The following GRIN2B variants were observed in gnomAD, a reference collection of about 807,000 sequenced individuals.
GRIN2B encodes the protein glutamate receptor ionotropic, NMDA 2B.
A neutral mutation model predicts 114.5 loss-of-function variants in GRIN2B; 5 were observed. The observed-to-expected ratio is 0.04, with a 90% CI of 0.02 to 0.09. The LOEUF is 0.09. Ranked by LOEUF, GRIN2B falls within the 10% of genes least tolerant of loss-of-function variation. GRIN2B has a pLI of 1.00. For missense variants in GRIN2B, 1,108 were observed against 1,943.5 expected (o/e 0.57, Z 8.08); for synonymous variants, 787 against 745.1 (o/e 1.06, Z -0.92).
At chr12:13,905,519 G>T (rs1302793983) in intron 2 of GRIN2B, among the ~76,000 whole-genome samples, 4 of 152,146 alleles carry the variant, frequency 2.6e-5, no homozygotes, top group Non-Finnish European at 5.9e-5. Flanking sequence ...TAATTCCAAA[G>T]TCTGGAGAAT....
intron 3 of GRIN2B, among the ~76,000 whole-genome samples, chr12:13,768,860 C>T (rs1232234967): frequency 1.3e-5 from 2 of 152,070 alleles, no homozygotes; most frequent in African/African-American, 4.8e-5. Flanking sequence ...CGGTGAAACA[C>T]CGTCTCTACT....
intron 2 of GRIN2B, among the ~76,000 whole-genome samples, chr12:13,905,317 A>G (rs1866519191): frequency 6.6e-6 from 1 of 152,132 alleles, no homozygotes; most frequent in South Asian, 2.1e-4. Context: ...CTCTATACAA[A>G]TCAGCTGCTA....
chr12:13,675,879 G>A lies in GRIN2B; in HGVS notation c.1011-20C>T, dbSNP rs768189702. On this transcript the variant is annotated intron_variant, in intron 4 of 13. Coordinates refer to ENST00000609686, the MANE Select transcript of GRIN2B (RefSeq NM_000834.5). ...AGATACCTGTAAAGATAAAATAAAAGGAAGATTAAAAGTATGAAGAGGGTA... is the reference window on the plus strand; with the variant it reads ...AGATACCTGTAAAGATAAAATAAAAAGAAGATTAAAAGTATGAAGAGGGTA... The A allele has an allele frequency of 7.3e-7, 1 of 1,368,808 alleles. No individual in the cohort carries two copies. The highest frequency in any genetic ancestry group is 1.0e-6 in the Non-Finnish European group (1 of 956,578). The allele number at this position is 1,368,808 out of a possible 1,614,324, so 84.8% of individuals were successfully genotyped here.
intron 10 of GRIN2B, among the ~76,000 whole-genome samples, chr12:13,596,428 C>T (rs976379173): frequency 1.3e-5 from 2 of 152,198 alleles, no homozygotes; most frequent in African/African-American, 4.8e-5. Context: ...GTCTTCTTGT[C>T]ACAAGTACTT....
intron 5 of GRIN2B, among the ~76,000 whole-genome samples, chr12:13,639,614 C>T (rs1277245942): frequency 6.6e-6 from 1 of 152,128 alleles, no homozygotes; most frequent in Admixed American, 6.5e-5. Context: ...GGACCCAGTA[C>T]TCAAGGAAGA....
At position 13,563,151 on chromosome 12, in the gene GRIN2B, G is replaced by A; in HGVS notation, c.4087C>T (p.His1363Tyr). 1 of 1,614,194 alleles carries A rather than the reference G, an allele frequency of 6.2e-7. No homozygotes were observed. The highest frequency in any genetic ancestry group is 8.5e-7 in the Non-Finnish European group (1 of 1,180,048). Residue 1363 changes from histidine (H) to tyrosine (Y), a missense_variant, in exon 14 of 14, where the codon CAC (histidine) becomes TAC (tyrosine). By Grantham distance (83) the His-to-Tyr change is moderately conservative (BLOSUM62 2). Transcript: ENST00000609686. The stretch of plus-strand genomic sequence containing the variant: ...TACCCGCCGCCGGGGTTGTTGTGGT[G>A]GTGATGTCCGGCAGTGGGCACTGAG... The part of the protein sequence containing the change: ...KSSVPTAGHH[H>Y]HNNPGGGYML...
At chr12:13,808,818 G>A (rs1224611460) in intron 3 of GRIN2B, among the ~76,000 whole-genome samples, 2 of 151,002 alleles carry the variant, frequency 1.3e-5, no homozygotes, top group African/African-American at 2.4e-5. Context: ...GCCCTATAGA[G>A]TTCAGCGCTC....
intron 3 of GRIN2B, among the ~76,000 whole-genome samples, chr12:13,785,756 C>T (rs959362790): frequency 1.5e-4 from 23 of 152,118 alleles, no homozygotes; most frequent in African/African-American, 4.8e-4. Flanking sequence ...TGTGATGTAA[C>T]AAATATAGCA....
intron 3 of GRIN2B, among the ~76,000 whole-genome samples, chr12:13,844,611 A>T (rs1865439025): frequency 6.6e-6 from 1 of 152,184 alleles, no homozygotes; most frequent in African/African-American, 2.4e-5. Flanking sequence ...CTTCTCTTGC[A>T]GCCATTAACT....
In GRIN2B at chr12:13,561,050, G is replaced by C. The variant is rs186973533; in HGVS notation, c.*1733C>G. ...TGTAGGGGAGGATGGCAGGACAGTG[G>C]AACTGACCCATAGAATAAATAGCCC... On this transcript the variant is annotated 3_prime_UTR_variant, in exon 14 of 14. Coordinates refer to ENST00000609686, the MANE Select transcript of GRIN2B (RefSeq NM_000834.5). The C allele has an allele frequency of 1.3e-5, 2 of 152,174 alleles. No homozygotes were observed. Among genetic ancestry groups the C allele is most frequent in the Admixed American group, 1.3e-4 (2 of 15,292 alleles). The allele number at this position is 152,174 out of a possible 1,614,324, so 9.4% of individuals were successfully genotyped here. A position where few individuals can be genotyped will look rare whatever the true frequency, so the allele number is the denominator to read the frequency against.
chr12:13,562,828 A>C lies in GRIN2B; in HGVS notation c.4410T>G (p.Asn1470Lys). The change falls in exon 14 of 14, where the codon AAT (asparagine) becomes AAG (lysine). Residue 1470 changes from asparagine to lysine, a missense_variant. Asn to Lys is a moderately conservative substitution (Grantham distance 94, BLOSUM62 0). Coordinates refer to ENST00000609686, the MANE Select transcript of GRIN2B (RefSeq NM_000834.5). Reference protein sequence around the residue: ...KNPRAFNGSSNGHVYEKLSSI... With the variant: ...KNPRAFNGSSKGHVYEKLSSI... ...TAGAAAGTTTCTCATAAACATGCCC[A>C]TTGCTGGAGCCATTGAAAGCCCTGG... 6.2e-7 allele frequency: 1 copy of C among 1,614,108 alleles called. No individual in the cohort carries two copies. The highest frequency in any genetic ancestry group is 1.1e-5 in the South Asian group (1 of 91,068).
At chr12:13,592,182 G>A (rs1452308851) in intron 10 of GRIN2B, among the ~76,000 whole-genome samples, 1 of 152,174 alleles carries the variant, frequency 6.6e-6, no homozygotes, top group Non-Finnish European at 1.5e-5. Context: ...GGTGTCTGGG[G>A]TGTGGAGTCT....
chr12:13,588,914 C>A (rs1948968588), intron 10 of GRIN2B, among the ~76,000 whole-genome samples: 1 of 152,146 alleles, frequency 6.6e-6, no homozygotes, highest in African/African-American at 2.4e-5. Flanking sequence ...TTGAAAGGAG[C>A]AAAAGAGGAA....
intron 3 of GRIN2B, among the ~76,000 whole-genome samples, chr12:13,852,260 C>A (rs2136729139): frequency 6.6e-6 from 1 of 152,254 alleles, no homozygotes; most frequent in Non-Finnish European, 1.5e-5. Context: ...CTCAGTGCCA[C>A]CACCCCACTT....
At chr12:13,874,327 A>G (rs1359736290) in intron 2 of GRIN2B, among the ~76,000 whole-genome samples, 1 of 152,226 alleles carries the variant, frequency 6.6e-6, no homozygotes, top group Non-Finnish European at 1.5e-5. Context: ...TATCACTTCT[A>G]CTGTCACCCA....
At chr12:13,619,313 G>T (rs1256352161) in intron 5 of GRIN2B, among the ~76,000 whole-genome samples, 2 of 152,148 alleles carry the variant, frequency 1.3e-5, no homozygotes, top group Non-Finnish European at 2.9e-5. Context: ...ATTTCAATCA[G>T]CAGTCTACAA....
intron 4 of GRIN2B, among the ~76,000 whole-genome samples, chr12:13,707,755 G>A (rs916100725): frequency 4.7e-5 from 7 of 150,402 alleles, no homozygotes; most frequent in Admixed American, 4.0e-4. Context: ...CAGTAAAATT[G>A]AAAAAAAAAT....
chr12:13,850,898 T>C (rs2136727445), intron 3 of GRIN2B, among the ~76,000 whole-genome samples: 1 of 152,258 alleles, frequency 6.6e-6, no homozygotes, highest in Middle Eastern at 3.4e-3. Context: ...ATTCTCTTTC[T>C]TCATCTGTAA....
At chr12:13,928,905 G>T (rs1452319942) in intron 2 of GRIN2B, among the ~76,000 whole-genome samples, 2 of 152,182 alleles carry the variant, frequency 1.3e-5, no homozygotes, top group African/African-American at 4.8e-5. Context: ...AACAACAATG[G>T]CTAGTGTTTA....
Sources: allele counts gnomAD v4.1 joint callset (sites outside exome capture counted in the v4.1 genomes callset), GRCh38; gene constraint gnomAD v4.1.1; transcripts MANE v1.5; gene names NCBI Gene and HGNC (gene_info 2026-07-23, HGNC 2026-07-21).